MTHFD1L: variants seen among roughly 807,000 people sequenced by gnomAD.
MTHFD1L encodes the protein monofunctional C1-tetrahydrofolate synthase, mitochondrial.
MTHFD1L carries 81 observed loss-of-function variants against 119.5 expected under a neutral mutation model. That is an observed-to-expected ratio of 0.68 (90% CI 0.57 to 0.82). MTHFD1L has a LOEUF of 0.82. Ranked by LOEUF, MTHFD1L falls within the 40% of genes least tolerant of loss-of-function variation. MTHFD1L has a pLI of 0.00. For synonymous variants in MTHFD1L, 430 were observed against 475.2 expected (o/e 0.90, Z 1.24); for missense variants, 1,125 against 1,253.4 (o/e 0.90, Z 1.55).
intron 12 of MTHFD1L, among the ~76,000 whole-genome samples, chr6:150,938,455 TC>T (rs1400056122): frequency 1.3e-5 from 2 of 152,208 alleles, no homozygotes; most frequent in Admixed American, 1.3e-4. Flanking sequence ...AGTAATGACA[TC>T]TGCTCTATTT....
chr6:151,046,060 T>TTTTCC (rs1787959860), intron 26 of MTHFD1L, among the ~76,000 whole-genome samples: 1 of 152,278 alleles, frequency 6.6e-6, no homozygotes, highest in Middle Eastern at 3.4e-3. Flanking sequence ...GTACATAAGG[T>TTTTCC]TATCTAGGTC....
At chr6:150,951,922 G>C (rs1232587700) in intron 16 of MTHFD1L, among the ~76,000 whole-genome samples, 1 of 152,128 alleles carries the variant, frequency 6.6e-6, no homozygotes, top group Non-Finnish European at 1.5e-5. Context: ...TGTGCTAAAA[G>C]AGAAAGTTTT....
chr6:150,920,671 C>G (rs1248047734), intron 9 of MTHFD1L, among the ~76,000 whole-genome samples: 1 of 152,138 alleles, frequency 6.6e-6, no homozygotes, highest in Non-Finnish European at 1.5e-5. Context: ...TCACGCAGTC[C>G]TATATTTTCT....
At chr6:151,014,845 C>T in intron 22 of MTHFD1L, 35 bp from the exon 23 acceptor site, 1 of 1,572,234 alleles carries the variant, frequency 6.4e-7, no homozygotes, top group Non-Finnish European at 8.7e-7. Context: ...AGACAATACA[C>T]AGGGGTCTGG....
At chr6:150,964,414 C>T (rs1034604944) in intron 18 of MTHFD1L, among the ~76,000 whole-genome samples, 59 of 152,136 alleles carry the variant, frequency 3.9e-4, no homozygotes, top group African/African-American at 1.3e-3. Context: ...AGAGAGATAG[C>T]GTGAAGCCTT....
chr6:151,001,925 A>AAGT (rs1780679487), intron 20 of MTHFD1L, among the ~76,000 whole-genome samples: 1 of 152,182 alleles, frequency 6.6e-6, no homozygotes, highest in African/African-American at 2.4e-5. Flanking sequence ...ACTCTGACTT[A>AAGT]AGTAAAGGAA....
At chr6:151,094,564 G>T (rs796567623) in intron 27 of MTHFD1L, among the ~76,000 whole-genome samples, 1 of 151,476 alleles carries the variant, frequency 6.6e-6, no homozygotes, top group Non-Finnish European at 1.5e-5. Flanking sequence ...ATTTATTTGC[G>T]ACAGAGTCTT....
At chr6:151,015,742 G>A (rs1250851497) in intron 24 of MTHFD1L, 49 bp downstream of exon 24, 2 of 1,585,318 alleles carry the variant, frequency 1.3e-6, no homozygotes, top group African/African-American at 1.4e-5. Flanking sequence ...CCTTAGCATG[G>A]GTTGTCCCAT....
intron 20 of MTHFD1L, among the ~76,000 whole-genome samples, chr6:150,980,643 T>C (rs1777333110): frequency 6.7e-6 from 1 of 148,910 alleles, no homozygotes; most frequent in East Asian, 2.0e-4. Flanking sequence ...CTTGGGAGTC[T>C]GAGGCAGGAG....
At chr6:150,937,245 A>G (rs1291701889) in intron 12 of MTHFD1L, among the ~76,000 whole-genome samples, 1 of 152,092 alleles carries the variant, frequency 6.6e-6, no homozygotes, top group African/African-American at 2.4e-5. Context: ...GTGATCTTGA[A>G]ACACGGCCAT....
intron 14 of MTHFD1L, 108 bp downstream of exon 14, chr6:150,944,701 T>A: frequency 1.3e-6 from 1 of 768,764 alleles, no homozygotes; most frequent in Non-Finnish European, 2.1e-6. Context: ...TGAAATGTTA[T>A]TCAATTCAAT....
At chr6:150,991,242 A>G (rs1475786675) in intron 20 of MTHFD1L, among the ~76,000 whole-genome samples, 1 of 152,042 alleles carries the variant, frequency 6.6e-6, no homozygotes, top group Non-Finnish European at 1.5e-5. Context: ...CAAATTAAAC[A>G]TAAAGCTTCC....
intron 24 of MTHFD1L, among the ~76,000 whole-genome samples, chr6:151,025,005 G>GT (rs924976129): frequency 1.1e-4 from 17 of 152,212 alleles, no homozygotes; most frequent in African/African-American, 4.1e-4. Flanking sequence ...CATATATTCC[G>GT]TTTTTTGGCA....
At chr6:151,071,070 G>A (rs374412524) in intron 26 of MTHFD1L, among the ~76,000 whole-genome samples, 3 of 152,298 alleles carry the variant, frequency 2.0e-5, no homozygotes, top group South Asian at 2.1e-4. Context: ...CTAAAATACA[G>A]CCACAAATGA....
intron 20 of MTHFD1L, among the ~76,000 whole-genome samples, chr6:151,008,089 G>A (rs374874940): frequency 3.3e-4 from 51 of 152,280 alleles, no homozygotes; most frequent in African/African-American, 1.1e-3. Flanking sequence ...ATTTGAAAGA[G>A]ATTAAAGCAC....
chr6:151,099,027 T>C (rs1053677467), intron 27 of MTHFD1L, among the ~76,000 whole-genome samples: 1 of 151,936 alleles, frequency 6.6e-6, no homozygotes, highest in African/African-American at 2.4e-5. Context: ...AATACAAAAA[T>C]TAGTCGGGCA....
intron 20 of MTHFD1L, among the ~76,000 whole-genome samples, chr6:150,984,059 C>T (rs933928493): frequency 6.6e-5 from 10 of 152,242 alleles, no homozygotes; most frequent in Non-Finnish European, 1.3e-4. Flanking sequence ...GCATGAACCA[C>T]TGCGCCCATC....
At chr6:151,085,059 TTATA>T (rs1361336303) in intron 26 of MTHFD1L, among the ~76,000 whole-genome samples, 3 of 149,174 alleles carry the variant, frequency 2.0e-5, no homozygotes, top group African/African-American at 7.4e-5. Flanking sequence ...AGCACATTGT[TTATA>T]TAGGAATCAA....
In MTHFD1L at chr6:150,885,689, G is replaced by T; in HGVS notation, c.598G>T (p.Val200Phe). The T allele has an allele frequency of 6.2e-7, 1 of 1,613,956 alleles. No homozygotes were observed. Residue 200 changes from valine (V) to phenylalanine (F), a missense_variant, in exon 6 of 28, where the codon GTT becomes TTT. Physicochemically the swap from Val to Phe is conservative, Grantham distance 50. Coordinates refer to ENST00000367321, the MANE Select transcript of MTHFD1L (RefSeq NM_015440.5). ...LVRGDAHECF[V>F]SPVAKAVIEL... ...GCGAGGGGATGCCCATGAATGTTTT[G>T]TTTCACCTGTTGCCAAAGCTGTAAT...
Sources: allele counts gnomAD v4.1 joint callset (sites outside exome capture counted in the v4.1 genomes callset), GRCh38; gene constraint gnomAD v4.1.1; transcripts MANE v1.5; gene names NCBI Gene and HGNC (gene_info 2026-07-23, HGNC 2026-07-21).